The following ZMYM2 variants were observed in gnomAD, a reference collection of about 807,000 sequenced individuals.
ZMYM2 encodes the protein zinc finger MYM-type containing 2, also known as zinc finger MYM-type protein 2.
Under a neutral mutation model 162.8 loss-of-function variants are expected in ZMYM2, and 56 were observed. The ratio of observed to expected loss-of-function variants is 0.34; its 90% CI spans 0.28 to 0.43. The LOEUF (loss-of-function observed/expected upper bound fraction) is 0.43, where lower values mean the gene tolerates loss of function less well. ZMYM2 is among the 20% of genes least tolerant of loss of function. ZMYM2 has a pLI of 1.00. For missense variants in ZMYM2, 1,275 were observed against 1,621.8 expected (o/e 0.79, Z 3.67); for synonymous variants, 510 against 541.6 (o/e 0.94, Z 0.81).
At chr13:19,901,472 A>G in the ZMYM2 span, among the ~76,000 whole-genome samples, 1 of 152,162 alleles carries the variant, frequency 6.6e-6, no homozygotes, top group East Asian at 1.9e-4. Context: ...TGATGTGTGT[A>G]TATGGATGAC....
intron 5 of ZMYM2, among the ~76,000 whole-genome samples, chr13:20,005,599 T>G (rs1200999153): frequency 1.3e-5 from 2 of 152,148 alleles, no homozygotes; most frequent in Admixed American, 6.5e-5. Flanking sequence ...TACAAATAAT[T>G]TTGCTGAGAA....
chr13:19,936,780 A>G, the ZMYM2 span, among the ~76,000 whole-genome samples: 1 of 152,122 alleles, frequency 6.6e-6, no homozygotes, highest in African/African-American at 2.4e-5. Context: ...ATCAATTAGT[A>G]GCCAATTAGG....
chr13:20,020,288 G>A (rs1346595555), intron 7 of ZMYM2, among the ~76,000 whole-genome samples: 1 of 148,198 alleles, frequency 6.7e-6, no homozygotes, highest in East Asian at 2.0e-4. Flanking sequence ...AGGCTGGAGT[G>A]CAACGGCACC....
At chr13:20,008,969 G>A (rs1286325795) in intron 6 of ZMYM2, among the ~76,000 whole-genome samples, 1 of 152,108 alleles carries the variant, frequency 6.6e-6, no homozygotes, top group Non-Finnish European at 1.5e-5. Flanking sequence ...TGTTCAGAAT[G>A]TTGCCTCTTT....
chr13:20,065,437 AAAAT>A (rs1031219369), intron 19 of ZMYM2, among the ~76,000 whole-genome samples: 6 of 152,186 alleles, frequency 3.9e-5, no homozygotes, highest in South Asian at 2.1e-4. Flanking sequence ...AAGAAAAGGA[AAAAT>A]AAATAAATAA....
chr13:19,876,456 G>C, the ZMYM2 span, among the ~76,000 whole-genome samples: 1 of 152,026 alleles, frequency 6.6e-6, no homozygotes, highest in Non-Finnish European at 1.5e-5. Flanking sequence ...CTGAGTAGCT[G>C]CGACTACAGG....
intron 9 of ZMYM2, chr13:20,028,197 ATAT>A (rs1219557756): frequency 6.3e-6 from 1 of 159,322 alleles, no homozygotes; most frequent in African/African-American, 2.4e-5. Context: ...GTTAATAGTA[ATAT>A]TCTCACTGAG....
At chr13:19,886,804 C>G in the ZMYM2 span, among the ~76,000 whole-genome samples, 1 of 151,710 alleles carries the variant, frequency 6.6e-6, no homozygotes, top group African/African-American at 2.4e-5. Context: ...CATTCACCAC[C>G]ATGCCCGGTT....
chr13:20,040,122 C>A (rs909157196), intron 12 of ZMYM2, among the ~76,000 whole-genome samples: 1 of 151,420 alleles, frequency 6.6e-6, no homozygotes, highest in South Asian at 2.1e-4. Context: ...AGGGAGAAGT[C>A]CCCCCTCCTC....
chr13:19,985,490 G>A (rs947190129), intron 2 of ZMYM2, among the ~76,000 whole-genome samples: 3 of 151,838 alleles, frequency 2.0e-5, no homozygotes, highest in East Asian at 3.9e-4. Flanking sequence ...TTTGAAGCTT[G>A]TGTATTTTGA....
chr13:20,006,683 C>G, intron 6 of ZMYM2, 97 bp downstream of exon 6: 4 of 1,209,178 alleles, frequency 3.3e-6, no homozygotes, highest in Non-Finnish European at 4.7e-6. Context: ...CTGGCTTTAT[C>G]TTAGAATTTC....
chr13:20,000,303 T>A (rs1166738180), intron 3 of ZMYM2, among the ~76,000 whole-genome samples: 6 of 152,202 alleles, frequency 3.9e-5, no homozygotes, highest in Non-Finnish European at 7.3e-5. Flanking sequence ...AGGAAATAAG[T>A]CATCTCCATA....
intron 3 of ZMYM2, among the ~76,000 whole-genome samples, chr13:19,999,013 C>T (rs542067895): frequency 2.6e-5 from 4 of 152,214 alleles, no homozygotes; most frequent in African/African-American, 9.6e-5. Context: ...ATTGGTAGTG[C>T]CATGGGAGGC....
At chr13:19,990,584 G>A (rs960801347) in intron 2 of ZMYM2, among the ~76,000 whole-genome samples, 14 of 152,068 alleles carry the variant, frequency 9.2e-5, no homozygotes, top group African/African-American at 3.4e-4. Flanking sequence ...TTTAAATTTA[G>A]TTTAAAAAAA....
intron 2 of ZMYM2, among the ~76,000 whole-genome samples, chr13:19,991,077 T>G (rs1037472092): frequency 3.8e-5 from 5 of 129,920 alleles, no homozygotes; most frequent in Non-Finnish European, 8.0e-5. Context: ...CGTATGTATT[T>G]TCTGTGTGTG....
chr13:19,991,791 G>A (rs1042013445), intron 2 of ZMYM2, among the ~76,000 whole-genome samples: 13 of 151,178 alleles, frequency 8.6e-5, no homozygotes, highest in African/African-American at 1.5e-4. Flanking sequence ...TAACATGCCC[G>A]GCTAATTTTT....
At chr13:19,994,148 G>A (rs1051840681) in intron 3 of ZMYM2, among the ~76,000 whole-genome samples, 3 of 152,126 alleles carry the variant, frequency 2.0e-5, no homozygotes, top group South Asian at 2.1e-4. Flanking sequence ...TATATTTAAA[G>A]GATTTAAGAA....
the ZMYM2 span, among the ~76,000 whole-genome samples, chr13:19,883,227 T>C: frequency 6.6e-6 from 1 of 152,056 alleles, no homozygotes; most frequent in Non-Finnish European, 1.5e-5. Context: ...AGATAGGTGG[T>C]TTCCAGGGGG....
intron 17 of ZMYM2, among the ~76,000 whole-genome samples, chr13:20,062,551 A>G (rs1219120921): frequency 6.6e-6 from 1 of 152,168 alleles, no homozygotes; most frequent in Non-Finnish European, 1.5e-5. Context: ...TTTTAGAAAT[A>G]CTTTACTTGT....
Sources: allele counts gnomAD v4.1 joint callset (sites outside exome capture counted in the v4.1 genomes callset), GRCh38; gene constraint gnomAD v4.1.1; transcripts MANE v1.5; gene names NCBI Gene and HGNC (gene_info 2026-07-23, HGNC 2026-07-21).